SMCO1: variants seen among roughly 807,000 people sequenced by gnomAD.
SMCO1 encodes single-pass membrane protein with coiled-coil domains 1.
Under a neutral mutation model 7.5 loss-of-function variants are expected in SMCO1, and 9 were observed. That is an observed-to-expected ratio of 1.20 (90% CI 0.72 to 2.09). The LOEUF is 2.09. Ranked by LOEUF, SMCO1 falls within the 30% of genes most tolerant of loss-of-function variation. SMCO1 has a pLI of 0.00. For missense variants in SMCO1, 219 were observed against 253.1 expected, an observed-to-expected ratio of 0.87 and a Z score of 0.91; for synonymous variants, 90 against 93.8, an observed-to-expected ratio of 0.96 and a Z score of 0.23.
upstream of SMCO1, among the ~76,000 whole-genome samples, chr3:196,516,981 C>T (rs1004058009): frequency 5.3e-5 from 8 of 151,784 alleles, no homozygotes; most frequent in Non-Finnish European, 8.8e-5. Context: ...CACCTGTAGT[C>T]CCAGCTACTT....
At chr3:196,513,583 C>T (rs181172483) in intron 1 of SMCO1, among the ~76,000 whole-genome samples, 1,570 of 141,612 alleles carry the variant, frequency 0.011, 29 homozygotes, top group African/African-American at 0.04. Context: ...GAGCTGAAAT[C>T]GCGCCACTGC....
chr3:196,508,955 A>AAAAAAAG (rs1733136393), intron 2 of SMCO1, among the ~76,000 whole-genome samples: 1 of 130,092 alleles, frequency 7.7e-6, no homozygotes, highest in African/African-American at 4.4e-5. Context: ...AAAAAAAAAG[A>AAAAAAAG]AAAAAAAATT....
intron 1 of SMCO1, among the ~76,000 whole-genome samples, chr3:196,513,267 C>A (rs1733296783): frequency 6.6e-6 from 1 of 151,510 alleles, no homozygotes; most frequent in Non-Finnish European, 1.5e-5. Flanking sequence ...GAGTTCAAAG[C>A]TGCAGTGAGC....
At chr3:196,512,805 G>A (rs1446613478) in intron 1 of SMCO1, among the ~76,000 whole-genome samples, 1 of 151,962 alleles carries the variant, frequency 6.6e-6, no homozygotes, top group Non-Finnish European at 1.5e-5. Context: ...ACCGCACCCG[G>A]CCTAGAGATG....
chr3:196,507,745 CTATT>C lies in SMCO1; in HGVS notation c.*138_*141del, dbSNP rs1447488468. On this transcript the variant is annotated 3_prime_UTR_variant, in exon 3 of 3. Transcript: ENST00000397537. ...TTTTATATGGCTGCAAAGAAAGTAT[CTATT>C]GTATCAATTTGTCATAATTTATTTA... The C allele has an allele frequency of 1.6e-6, 1 of 608,408 alleles. No homozygotes were observed. The highest frequency in any genetic ancestry group is 1.8e-5 in the African/African-American group (1 of 54,154). The allele number at this position is 608,408 out of a possible 1,614,324, so 37.7% of individuals were successfully genotyped here. A position where few individuals can be genotyped will look rare whatever the true frequency, so the allele number is the denominator to read the frequency against.
At chr3:196,516,026 T>TATAA (rs1733380278), upstream of SMCO1, among the ~76,000 whole-genome samples, 1 of 114,492 alleles carries the variant, frequency 8.7e-6, no homozygotes, top group East Asian at 2.2e-4. Flanking sequence ...TATATATATA[T>TATAA]ATATAATTAT....
In SMCO1 at chr3:196,509,517, C is replaced by G. The variant is rs571860751; in HGVS notation, c.200+3G>C. 9 of 1,611,100 alleles carry G rather than the reference C, an allele frequency of 5.6e-6. No individual in the cohort carries two copies. Among genetic ancestry groups the G allele is most frequent in the African/African-American group, 4.0e-5 (3 of 74,978 alleles). ...TCCCACTGATTTCTCAATTGATACTCACTGGAGTGCCCGAACTGCTGTCCA... is the reference window on the plus strand; with the variant it reads ...TCCCACTGATTTCTCAATTGATACTGACTGGAGTGCCCGAACTGCTGTCCA... On this transcript the variant is annotated splice_donor_region_variant and intron_variant, in intron 2 of 2. Transcript: ENST00000397537.
chr3:196,517,251 T>G (rs1422545400), upstream of SMCO1, among the ~76,000 whole-genome samples: 1 of 152,084 alleles, frequency 6.6e-6, no homozygotes. Flanking sequence ...GTGTCTTTTT[T>G]TATTCATAAT....
chr3:196,518,198 G>A (rs751787071), upstream of SMCO1, among the ~76,000 whole-genome samples: 4 of 152,210 alleles, frequency 2.6e-5, no homozygotes, highest in Non-Finnish European at 4.4e-5. Context: ...TGTGGGCTAC[G>A]TGAATGCCAC....
At position 196,508,046 on chromosome 3, in the gene SMCO1, G is replaced by A. The variant is rs1250324102; in HGVS notation, c.486C>T (p.Ile162=). Residue 162 remains isoleucine (I), a synonymous_variant, in exon 3 of 3, where the codon ATC becomes ATT. Transcript: ENST00000397537. The part of the protein sequence containing the change: ...HYTAKVRQMY[I]RDVTFLITNM... ...TAGTAATTAGGAACGTGACATCCCT[G>A]ATGTACATCTGCCTCACTTTAGCAG... The A allele has an allele frequency of 2.5e-6, 4 of 1,614,156 alleles. No homozygotes were observed. Among genetic ancestry groups the A allele is most frequent in the South Asian group, 1.1e-5 (1 of 91,088 alleles).
chr3:196,516,987 T>C (rs1733403031), upstream of SMCO1, among the ~76,000 whole-genome samples: 1 of 151,362 alleles, frequency 6.6e-6, no homozygotes, highest in African/African-American at 2.4e-5. Flanking sequence ...TAGTCCCAGC[T>C]ACTTGGGAGT....
chr3:196,520,386 C>A, the SMCO1 span, among the ~76,000 whole-genome samples: 1 of 152,154 alleles, frequency 6.6e-6, no homozygotes, highest in Non-Finnish European at 1.5e-5. Flanking sequence ...AGAGCTAAAG[C>A]AGATTCCAGA....
At chr3:196,520,352 C>G in the SMCO1 span, among the ~76,000 whole-genome samples, 25 of 152,148 alleles carry the variant, frequency 1.6e-4, no homozygotes, top group African/African-American at 5.6e-4. Context: ...CCATGGCAGG[C>G]AAGCCCATAG....
rs143475959 is a variant in SMCO1, at chr3:196,509,649, G to T, written c.71C>A (p.Ala24Glu). The T allele has an allele frequency of 1.6e-5, 26 of 1,613,988 alleles. No homozygotes were observed. Among genetic ancestry groups the T allele is most frequent in the Non-Finnish European group, 2.2e-5 (26 of 1,179,896 alleles). Residue 24 changes from alanine (A) to glutamate (E), a missense_variant, in exon 2 of 3, where the codon GCG becomes GAG. Physicochemically the swap from Ala to Glu is moderately radical, Grantham distance 107 (BLOSUM62 -1). Coordinates refer to ENST00000397537, the MANE Select transcript of SMCO1 (RefSeq NM_001077657.3). ...AMKRVDHKLQ[A>E]LETQFKELDF... ...TAGTTCTTTGAACTGTGTTTCTAACGCTTGGAGTTTGTGGTCTACTCTGTA... is the reference window on the plus strand; with the variant it reads ...TAGTTCTTTGAACTGTGTTTCTAACTCTTGGAGTTTGTGGTCTACTCTGTA...
At chr3:196,519,939 G>A (rs1008528477), upstream of SMCO1, among the ~76,000 whole-genome samples, 7 of 152,108 alleles carry the variant, frequency 4.6e-5, 1 homozygote, top group Non-Finnish European at 8.8e-5. Flanking sequence ...AACAGTCGGG[G>A]GGGACGCTCC....
intron 1 of SMCO1, 126 bp downstream of exon 1, chr3:196,515,034 C>A: frequency 8.3e-7 from 1 of 1,198,732 alleles, no homozygotes; most frequent in South Asian, 1.2e-5. Context: ...GCCACCGCAC[C>A]GGCCACAGAG....
Position 196,507,810 on chromosome 3 carries a change from T to C in SMCO1, c.*77A>G, listed in dbSNP as rs1483030483. 3.5e-5 allele frequency: 28 copies of C among 793,956 alleles called. No homozygotes were observed. Among genetic ancestry groups the C allele is most frequent in the Non-Finnish European group, 5.7e-5 (28 of 494,082 alleles). The allele number at this position is 793,956 out of a possible 1,614,324, so 49.2% of individuals were successfully genotyped here. A position where few individuals can be genotyped will look rare whatever the true frequency, so the allele number is the denominator to read the frequency against. On this transcript the variant is annotated 3_prime_UTR_variant, in exon 3 of 3. Transcript: ENST00000397537. ...ACTCTTTGCTATAAAAATAAGACTA[T>C]AATAAATTGTGCATACTTTTTGCTG...
Position 196,507,460 on chromosome 3 carries a change from T to G in SMCO1, c.*427A>C, listed in dbSNP as rs546852066. ...CAAAATTGAAAATGTAAAAAATGGA[T>G]TAACAGTGAAAAGACTTCCTCTTGT... On this transcript the variant is annotated 3_prime_UTR_variant, in exon 3 of 3. Transcript: ENST00000397537. 4 of 152,342 alleles carry G rather than the reference T, an allele frequency of 2.6e-5. 1 individual carries two copies. In the South Asian group the frequency reaches 8.3e-4, roughly 32 times the overall value. The allele number at this position is 152,342 out of a possible 1,614,324, so 9.4% of individuals were successfully genotyped here.
chr3:196,509,451 A>G (rs1241312446), intron 2 of SMCO1, 69 bp downstream of exon 2: 21 of 1,329,746 alleles, frequency 1.6e-5, no homozygotes, highest in East Asian at 2.4e-5. Context: ...AAGAAATTCA[A>G]TTTTGCAATG....
Sources: gnomAD v4.1 joint callset for allele counts (sites outside exome capture counted in the v4.1 genomes callset) on GRCh38, gnomAD v4.1.1 for gene constraint, MANE v1.5 for transcripts, NCBI Gene and HGNC (gene_info 2026-07-23, HGNC 2026-07-21) for gene names.